GPR39: variants seen among roughly 807,000 people sequenced by gnomAD.
The protein encoded by GPR39 is zinc sensing receptor.
A neutral mutation model predicts 18.4 loss-of-function variants in GPR39; 23 were observed. The observed-to-expected ratio is 1.25, with a 90% CI of 0.90 to 1.77. The LOEUF is 1.77. GPR39 is among the 40% of genes most tolerant of loss of function. The pLI, the probability that GPR39 is intolerant of heterozygous loss-of-function variation, is 0.00. For missense variants in GPR39, 647 were observed against 602.4 expected (o/e 1.07, Z -0.78); for synonymous variants, 280 against 257.9 (o/e 1.09, Z -0.82).
At chr2:132,627,242 C>T (rs1436162530) in intron 1 of GPR39, among the ~76,000 whole-genome samples, 1 of 152,178 alleles carries the variant, frequency 6.6e-6, no homozygotes, top group Non-Finnish European at 1.5e-5. Context: ...CTACCTCCAA[C>T]CTGAGCTGGA....
intron 1 of GPR39, among the ~76,000 whole-genome samples, chr2:132,431,040 G>C (rs906802508): frequency 6.6e-6 from 1 of 152,148 alleles, no homozygotes; most frequent in Non-Finnish European, 1.5e-5. Context: ...AGAGCCTCCT[G>C]CTTCTGAAAT....
In GPR39 at chr2:132,477,478, C is replaced by T. The variant is rs541919411; in HGVS notation, c.856+59580C>T. 1.6e-4 allele frequency among the ~76,000 whole-genome samples: 24 copies of T among 152,180 alleles called. 1 individual carries two copies. The South Asian group carries it at 4.8e-3, about 30-fold the overall frequency. ...CTACTCGGGAGGCTGAGGTGAGAGG[C>T]TCACGTGAGTCCATGAGGTCGAGGC... On this transcript the variant is annotated intron_variant, in intron 1 of 1. Coordinates refer to ENST00000329321, the MANE Select transcript of GPR39 (RefSeq NM_001508.3).
chr2:132,452,869 AG>A (rs1680655350), intron 1 of GPR39, among the ~76,000 whole-genome samples: 1 of 53,720 alleles, frequency 1.9e-5, no homozygotes, highest in Admixed American at 1.5e-4. Flanking sequence ...TTCTTAATCC[AG>A]TTCTATTCAT....
chr2:132,518,536 G>T (rs989856733), intron 1 of GPR39, among the ~76,000 whole-genome samples: 1 of 152,138 alleles, frequency 6.6e-6, no homozygotes, highest in Non-Finnish European at 1.5e-5. Context: ...TGACAGCTCC[G>T]TTCCCTGGTG....
At position 132,571,814 on chromosome 2, in the gene GPR39, G is replaced by A. The variant is rs577300168; in HGVS notation, c.857-73287G>A. ...TAAAAAACACAGCATTCGATGCAAG[G>A]CTGAATAATTAAGTGCTAAATTGTG... is the stretch of plus-strand genomic sequence containing the variant. On this transcript the variant is annotated intron_variant, in intron 1 of 1. Transcript: ENST00000329321. 5.9e-5 allele frequency among the ~76,000 whole-genome samples: 9 copies of A among 152,292 alleles called. No homozygotes were observed. The South Asian group carries it at 1.9e-3, about 32-fold the overall frequency.
chr2:132,448,707 A>G (rs1002930729), intron 1 of GPR39, among the ~76,000 whole-genome samples: 1 of 152,204 alleles, frequency 6.6e-6, no homozygotes, highest in South Asian at 2.1e-4. Flanking sequence ...TAACATCATG[A>G]TACTTTATTT....
chr2:132,583,615 G>T (rs1340813334), intron 1 of GPR39, among the ~76,000 whole-genome samples: 4 of 151,972 alleles, frequency 2.6e-5, no homozygotes, highest in African/African-American at 7.3e-5. Flanking sequence ...TTAAGAATGG[G>T]TTCCTTTTAT....
Position 132,427,169 on chromosome 2 carries a change from A to AAT in GPR39, c.856+9271_856+9272insAT, listed in dbSNP as rs1558795700. Among the ~76,000 whole-genome samples the AAT allele has an allele frequency of 6.6e-5, 7 of 105,818 alleles. 1 individual carries two copies. Among genetic ancestry groups the AAT allele is most frequent in the South Asian group, 3.4e-4 (1 of 2,930 alleles). The allele number at this position is 105,818 out of a possible 152,430, so 69.4% of individuals were successfully genotyped here. A position where few individuals can be genotyped will look rare whatever the true frequency, so the allele number is the denominator to read the frequency against. ...ATATATATATATATATATATATGAAATTTTTTTTTTTTTGAGACGGAGTCT... is the reference window on the plus strand; with the variant it reads ...ATATATATATATATATATATATGAAAATTTTTTTTTTTTTTGAGACGGAGTCT... On this transcript the variant is annotated intron_variant, in intron 1 of 1. Transcript: ENST00000329321.
intron 1 of GPR39, among the ~76,000 whole-genome samples, chr2:132,436,215 C>T (rs972534533): frequency 5.3e-5 from 8 of 152,224 alleles, no homozygotes; most frequent in Admixed American, 2.6e-4. Flanking sequence ...CAAATTACCA[C>T]GTTGATGCCT....
intron 1 of GPR39, among the ~76,000 whole-genome samples, chr2:132,575,459 T>C (rs1201876404): frequency 6.6e-6 from 1 of 152,224 alleles, no homozygotes; most frequent in Admixed American, 6.5e-5. Flanking sequence ...AGAATATTGC[T>C]ATTGATAGTT....
chr2:132,484,229 C>T (rs1681290021), intron 1 of GPR39, among the ~76,000 whole-genome samples: 1 of 152,200 alleles, frequency 6.6e-6, no homozygotes, highest in Non-Finnish European at 1.5e-5. Flanking sequence ...ATGGCCATTG[C>T]AAGATGTTAA....
At chr2:132,549,229 T>C (rs937763654) in intron 1 of GPR39, among the ~76,000 whole-genome samples, 5 of 152,130 alleles carry the variant, frequency 3.3e-5, no homozygotes, top group African/African-American at 1.2e-4. Context: ...ACTATCAGAC[T>C]GTAATATCTT....
rs1196827199 is a variant in GPR39 at position 132,587,647 on chromosome 2, G to T, written c.857-57454G>T. On this transcript the variant is annotated intron_variant, in intron 1 of 1. Transcript: ENST00000329321. ...CCTGGGTTTTTAAGCAGCTCTCTCTGCCTCAGCCTCCCGAGTAGCTGGGAT... is the reference window on the plus strand; with the variant it reads ...CCTGGGTTTTTAAGCAGCTCTCTCTTCCTCAGCCTCCCGAGTAGCTGGGAT... 3.3e-5 allele frequency among the ~76,000 whole-genome samples: 5 copies of T among 152,032 alleles called. No individual in the cohort carries two copies. In the East Asian group the frequency reaches 9.6e-4, roughly 29 times the overall value.
chr2:132,533,862 C>A (rs369239463), intron 1 of GPR39, among the ~76,000 whole-genome samples: 105 of 152,194 alleles, frequency 6.9e-4, no homozygotes, highest in African/African-American at 2.1e-3. Context: ...TAAAGACTTA[C>A]ATGTTAGACC....
intron 1 of GPR39, among the ~76,000 whole-genome samples, chr2:132,622,828 C>T (rs1023861894): frequency 3.3e-4 from 50 of 152,076 alleles, no homozygotes; most frequent in African/African-American, 1.1e-3. Context: ...AAAATAAGAC[C>T]TGTTGGCCAG....
At position 132,628,525 on chromosome 2, in the gene GPR39, C is replaced by A. The variant is rs533607731; in HGVS notation, c.857-16576C>A. On this transcript the variant is annotated intron_variant, in intron 1 of 1. Coordinates refer to ENST00000329321, the MANE Select transcript of GPR39 (RefSeq NM_001508.3). ...ATTGGGCTGTCCTTTGCCCTCCTGC[C>A]CTATCTCCGTCCAGGCTTTAGAGCG... is the stretch of plus-strand genomic sequence containing the variant. 2.0e-5 allele frequency among the ~76,000 whole-genome samples: 3 copies of A among 152,308 alleles called. No homozygotes were observed. In the East Asian group the frequency reaches 5.8e-4, roughly 29 times the overall value.
Position 132,646,077 on chromosome 2 carries a change from G to A in GPR39, c.*471G>A, listed in dbSNP as rs1176068474. ...TGTGCCGAGAAGAGGGCTAATTTGA[G>A]GAACAGGATGGTGGTGCGGAGCCCT... On this transcript the variant is annotated 3_prime_UTR_variant, in exon 2 of 2. Coordinates refer to ENST00000329321, the MANE Select transcript of GPR39 (RefSeq NM_001508.3). 1.3e-6 allele frequency: 2 copies of A among 1,594,026 alleles called. No individual in the cohort carries two copies.
intron 1 of GPR39, among the ~76,000 whole-genome samples, chr2:132,486,917 C>A (rs530009324): frequency 1.3e-5 from 2 of 152,316 alleles, no homozygotes; most frequent in Admixed American, 1.3e-4. Context: ...CAGCCTAACT[C>A]GGCTTTCGAC....
rs1455281667 is a variant in GPR39, at chr2:132,567,867, T to G, written c.857-77234T>G. Among the ~76,000 whole-genome samples, 1,383 of 151,926 alleles carry G rather than the reference T, an allele frequency of 9.1e-3. 20 individuals carry two copies. The highest frequency in any genetic ancestry group is 0.029 in the African/African-American group (1,212 of 41,422). ...TAAGTTTCACGAGATCTGATGGTTT[T>G]AAAAAGGGGAGTTTCCCTACACAAG... On this transcript the variant is annotated intron_variant, in intron 1 of 1. Coordinates refer to ENST00000329321, the MANE Select transcript of GPR39 (RefSeq NM_001508.3).
Sources: gnomAD v4.1 joint callset for allele counts (sites outside exome capture counted in the v4.1 genomes callset) on GRCh38, gnomAD v4.1.1 for gene constraint, MANE v1.5 for transcripts, NCBI Gene and HGNC (gene_info 2026-07-23, HGNC 2026-07-21) for gene names.